DNAJC5B: variants seen among roughly 807,000 people sequenced by gnomAD.
DNAJC5B encodes the protein DnaJ heat shock protein family (Hsp40) member C5 beta, also known as dnaJ homolog subfamily C member 5B.
Under a neutral mutation model 24.7 loss-of-function variants are expected in DNAJC5B, and 23 were observed. The observed-to-expected ratio is 0.93, with a 90% CI of 0.67 to 1.32. DNAJC5B has a LOEUF of 1.32. DNAJC5B is among the 40% of genes most tolerant of loss of function. The probability of loss-of-function intolerance (pLI) is 0.00; values close to 1 mark genes in which losing one functional copy is unlikely to be tolerated. For synonymous variants in DNAJC5B, 101 were observed against 90.1 expected, an observed-to-expected ratio of 1.12 and a Z score of -0.68; for missense variants, 238 against 240.8, an observed-to-expected ratio of 0.99 and a Z score of 0.08.
intron 2 of DNAJC5B, among the ~76,000 whole-genome samples, chr8:66,045,339 G>T (rs1806700368): frequency 6.6e-6 from 1 of 152,128 alleles, no homozygotes; most frequent in African/African-American, 2.4e-5. Flanking sequence ...AAAAGAAGAT[G>T]AAACAGACAA....
intron 4 of DNAJC5B, among the ~76,000 whole-genome samples, chr8:66,078,422 T>C (rs555439784): frequency 1.3e-5 from 2 of 152,172 alleles, no homozygotes; most frequent in African/African-American, 4.8e-5. Flanking sequence ...CTTATAAAAA[T>C]ATTGGACACC....
At chr8:66,065,949 C>A (rs1336302918) in intron 3 of DNAJC5B, among the ~76,000 whole-genome samples, 1 of 152,088 alleles carries the variant, frequency 6.6e-6, no homozygotes, top group Non-Finnish European at 1.5e-5. Context: ...CTTATAACCA[C>A]AAAGCTCCAT....
intron 5 of DNAJC5B, among the ~76,000 whole-genome samples, chr8:66,094,779 C>T (rs1807915275): frequency 6.6e-6 from 1 of 151,968 alleles, no homozygotes. Flanking sequence ...AGAAAATTGT[C>T]TTCTATTCCT....
chr8:66,063,660 T>A (rs1181310586), intron 3 of DNAJC5B, among the ~76,000 whole-genome samples: 1 of 152,210 alleles, frequency 6.6e-6, no homozygotes, highest in Non-Finnish European at 1.5e-5. Context: ...CCAATCTCAG[T>A]CATTCCTAGG....
chr8:66,062,618 A>G (rs986245050), intron 3 of DNAJC5B, among the ~76,000 whole-genome samples: 1 of 152,194 alleles, frequency 6.6e-6, no homozygotes, highest in Non-Finnish European at 1.5e-5. Flanking sequence ...AATGCTGGGT[A>G]AGAAATCATG....
In DNAJC5B at chr8:66,083,008, T is replaced by TC. The variant is rs1563609069; in HGVS notation, c.505+2460_505+2461insC. ...GTAATATTTTCTTTTCTTTTCTTTT[T>TC]TTTTTTTTTTTTTTTTTTTGAGATG... On this transcript the variant is annotated intron_variant, in intron 5 of 5. Coordinates refer to ENST00000276570, the MANE Select transcript of DNAJC5B (RefSeq NM_033105.6). 2.3e-5 allele frequency among the ~76,000 whole-genome samples: 3 copies of TC among 128,200 alleles called. 1 individual carries two copies. The highest frequency in any genetic ancestry group is 8.3e-5 in the Admixed American group (1 of 12,086). 84.1% of individuals were successfully genotyped at this position (128,200 alleles called of 152,430 possible).
At chr8:66,070,384 CA>C (rs1407481100) in intron 3 of DNAJC5B, among the ~76,000 whole-genome samples, 1 of 152,132 alleles carries the variant, frequency 6.6e-6, no homozygotes, top group Non-Finnish European at 1.5e-5. Context: ...AATCAATCTG[CA>C]AAAATCACAA....
chr8:66,036,525 C>T (rs955097343), intron 1 of DNAJC5B, among the ~76,000 whole-genome samples: 3 of 152,174 alleles, frequency 2.0e-5, no homozygotes, highest in Admixed American at 6.5e-5. Flanking sequence ...CTGCCCCACC[C>T]GGATATTTCC....
chr8:66,032,625 G>A (rs940519714), intron 1 of DNAJC5B, among the ~76,000 whole-genome samples: 14 of 151,998 alleles, frequency 9.2e-5, no homozygotes, highest in Non-Finnish European at 7.4e-5. Flanking sequence ...TGGCCCCATG[G>A]GCCAGTCCAA....
intron 2 of DNAJC5B, among the ~76,000 whole-genome samples, chr8:66,050,598 G>T (rs1563594657): frequency 6.6e-6 from 1 of 152,156 alleles, no homozygotes; most frequent in Non-Finnish European, 1.5e-5. Context: ...CTTCCTGGTG[G>T]ACTAACTGAG....
intron 4 of DNAJC5B, among the ~76,000 whole-genome samples, chr8:66,078,889 A>T (rs1739335070): frequency 6.6e-6 from 1 of 152,216 alleles, no homozygotes; most frequent in Non-Finnish European, 1.5e-5. Context: ...GGCTGTCAAC[A>T]TTAAAGATTT....
intron 3 of DNAJC5B, among the ~76,000 whole-genome samples, chr8:66,067,193 C>A (rs1416206993): frequency 2.6e-5 from 3 of 115,812 alleles, no homozygotes; most frequent in African/African-American, 9.4e-5. Context: ...CCCTCCCCCA[C>A]TTCCCACCGC....
At chr8:66,089,622 C>A (rs898716785) in intron 5 of DNAJC5B, among the ~76,000 whole-genome samples, 5 of 152,084 alleles carry the variant, frequency 3.3e-5, no homozygotes, top group African/African-American at 1.2e-4. Context: ...TAGCTAAAGT[C>A]TAAGATACCT....
chr8:66,048,833 C>G (rs996784322), intron 2 of DNAJC5B, among the ~76,000 whole-genome samples: 2 of 152,120 alleles, frequency 1.3e-5, no homozygotes, highest in African/African-American at 4.8e-5. Context: ...CGAGGCCATC[C>G]CCTCCCACTC....
Position 66,071,849 on chromosome 8 carries a change from C to T in DNAJC5B, c.120-4811C>T, listed in dbSNP as rs1419149604. Among the ~76,000 whole-genome samples the T allele has an allele frequency of 3.3e-5, 5 of 152,264 alleles. No homozygotes were observed. In the East Asian group the frequency reaches 9.6e-4, roughly 29 times the overall value. ...ATAAAGAAAATGTGATACATGTACA[C>T]CATGGAATACTATGCAGCCATAAAA... On this transcript the variant is annotated intron_variant, in intron 3 of 5. Coordinates refer to ENST00000276570, the MANE Select transcript of DNAJC5B (RefSeq NM_033105.6).
At chr8:66,048,939 T>C (rs1806785725) in intron 2 of DNAJC5B, among the ~76,000 whole-genome samples, 1 of 152,142 alleles carries the variant, frequency 6.6e-6, no homozygotes, top group African/African-American at 2.4e-5. Flanking sequence ...AATGGCATGG[T>C]TCCCAAGCAG....
chr8:66,036,261 C>G (rs1806482192), intron 1 of DNAJC5B, among the ~76,000 whole-genome samples: 1 of 152,064 alleles, frequency 6.6e-6, no homozygotes, highest in Non-Finnish European at 1.5e-5. Flanking sequence ...CTGGCTGGTT[C>G]CTGGGTTTTT....
upstream of DNAJC5B, among the ~76,000 whole-genome samples, chr8:66,016,984 A>C (rs1418040832): frequency 1.3e-5 from 2 of 152,092 alleles, no homozygotes; most frequent in Non-Finnish European, 2.9e-5. Flanking sequence ...CACGAAGTCA[A>C]ATATAATTTT....
At chr8:66,017,354 T>A (rs766472379), upstream of DNAJC5B, among the ~76,000 whole-genome samples, 1 of 152,208 alleles carries the variant, frequency 6.6e-6, no homozygotes, top group South Asian at 2.1e-4. Flanking sequence ...TCTGTTGGGG[T>A]ATATAGTACT....
Sources: gnomAD v4.1 joint callset for allele counts (sites outside exome capture counted in the v4.1 genomes callset) on GRCh38, gnomAD v4.1.1 for gene constraint, MANE v1.5 for transcripts, NCBI Gene and HGNC (gene_info 2026-07-23, HGNC 2026-07-21) for gene names.